Variants in USP11 observed in about 807,000 individuals in gnomAD.
The protein encoded by USP11 is ubiquitin carboxyl-terminal hydrolase 11.
Under a neutral mutation model 72.8 loss-of-function variants are expected in USP11, and 5 were observed. The observed-to-expected ratio is 0.07, with a 90% CI of 0.04 to 0.14. The LOEUF is 0.14. Ranked by LOEUF, USP11 falls within the 10% of genes least tolerant of loss-of-function variation. The probability of loss-of-function intolerance (pLI) is 1.00; values close to 1 mark genes in which losing one functional copy is unlikely to be tolerated. For missense variants in USP11, 480 were observed against 794.7 expected, an observed-to-expected ratio of 0.60 and a Z score of 4.76; for synonymous variants, 368 against 326.5, an observed-to-expected ratio of 1.13 and a Z score of -1.37.
rs746254198 is a variant in USP11, at chrX:47,241,713, G to T, written c.1179+14G>T. 2 of 1,173,852 alleles carry T rather than the reference G, an allele frequency of 1.7e-6. No homozygotes were observed. Among genetic ancestry groups the T allele is most frequent in the Non-Finnish European group, 2.3e-6 (2 of 878,208 alleles). On this transcript the variant is annotated intron_variant, in intron 9 of 20. Coordinates refer to ENST00000377107, the MANE Select transcript of USP11 (RefSeq NM_001371072.1). ...CGACCGGATCAGGTAGGCTGCCCCC[G>T]CATTTGCAGTCCAATTAACATCACC... is the stretch of plus-strand genomic sequence containing the variant.
At position 47,242,680 on chromosome X, in the gene USP11, G is replaced by A. The variant is rs1227600364; in HGVS notation, c.1543G>A (p.Glu515Lys). The A allele has an allele frequency of 8.3e-7, 1 of 1,211,022 alleles. No individual in the cohort carries two copies. The change falls in exon 12 of 21, where the codon GAG (glutamate) becomes AAG (lysine). Residue 515 changes from glutamate to lysine, a missense_variant. By Grantham distance (56) the Glu-to-Lys change is moderately conservative (BLOSUM62 1). This residue lies in a region of USP11 where 314 missense variants were observed against 556.0 expected (regional missense o/e 0.56). Coordinates refer to ENST00000377107, the MANE Select transcript of USP11 (RefSeq NM_001371072.1). ...CTTCTATAAGCTCTATCAGCTAGAG[G>A]AGCCTCTGAGCAGCATCTTGGACCG... ...HRFYKLYQLE[E>K]PLSSILDRDD...
At chrX:47,245,232 T>C in intron 16 of USP11, 138 bp from the exon 17 acceptor site, 1 of 928,730 alleles carries the variant, frequency 1.1e-6, no homozygotes, top group African/African-American at 1.9e-5. Context: ...TACTGAGAGC[T>C]CCAGGGCCTG....
At chrX:47,241,007 T>G in intron 7 of USP11, 131 bp downstream of exon 7, 1 of 675,171 alleles carries the variant, frequency 1.5e-6, no homozygotes, top group Non-Finnish European at 2.2e-6. Flanking sequence ...GCCCCACAAG[T>G]CTGAAGTGGC....
At chrX:47,235,648 C>T (rs964524971) in intron 1 of USP11, among the ~76,000 whole-genome samples, 1 of 110,073 alleles carries the variant, frequency 9.1e-6, no homozygotes, top group Non-Finnish European at 1.9e-5. Flanking sequence ...ATATTGGACT[C>T]TTGCTGTTCC....
At chrX:47,246,770 G>A (rs917211291) in intron 17 of USP11, among the ~76,000 whole-genome samples, 2 of 110,908 alleles carry the variant, frequency 1.8e-5, no homozygotes, top group African/African-American at 6.6e-5. Context: ...CCTGTCATCC[G>A]AGTACCTTGG....
intron 1 of USP11, among the ~76,000 whole-genome samples, chrX:47,236,732 G>A (rs1435932446): frequency 8.9e-6 from 1 of 112,232 alleles, no homozygotes; most frequent in Non-Finnish European, 1.9e-5. Context: ...AAACCTAAGT[G>A]ACTTTAGCAA....
chrX:47,233,236 G>A lies in USP11; in HGVS notation c.176+17G>A. Reference sequence around the variant, plus strand: ...CGAAAGCTGGTGAGGCTGGGCTGCGGTGGAGCCTCGGCAGAGGGAACGGTG... The same window carrying A: ...CGAAAGCTGGTGAGGCTGGGCTGCGATGGAGCCTCGGCAGAGGGAACGGTG... On this transcript the variant is annotated intron_variant, in intron 1 of 20. Coordinates refer to ENST00000377107, the MANE Select transcript of USP11 (RefSeq NM_001371072.1). The A allele has an allele frequency of 8.7e-7, 1 of 1,150,189 alleles. No individual in the cohort carries two copies. Among genetic ancestry groups the A allele is most frequent in the Non-Finnish European group, 1.2e-6 (1 of 861,943 alleles). The allele number at this position is 1,150,189 out of a possible 1,213,427, so 94.8% of individuals were successfully genotyped here. A position where few individuals can be genotyped will look rare whatever the true frequency, so the allele number is the denominator to read the frequency against.
chrX:47,236,077 T>C (rs1221830732), intron 1 of USP11, among the ~76,000 whole-genome samples: 1 of 111,598 alleles, frequency 9.0e-6, no homozygotes, highest in African/African-American at 3.3e-5. Flanking sequence ...TAGGGAGAGG[T>C]TGTGGTTGTA....
intron 1 of USP11, among the ~76,000 whole-genome samples, chrX:47,235,308 T>C (rs752002676): frequency 1.2e-4 from 13 of 112,358 alleles, no homozygotes; most frequent in South Asian, 3.6e-4. Context: ...TGAGCCCTTA[T>C]CTTCGCATCG....
In USP11 at chrX:47,241,440, A is replaced by G. The variant is rs201567985; in HGVS notation, c.1010A>G (p.His337Arg). 18 of 1,204,442 alleles carry G rather than the reference A, an allele frequency of 1.5e-5. No individual in the cohort carries two copies. Among genetic ancestry groups the G allele is most frequent in the South Asian group, 3.6e-5 (2 of 55,751 alleles). Reference protein sequence around the residue: ...WSGHHRSIVPHVFKNKVGHFA... With the variant: ...WSGHHRSIVPRVFKNKVGHFA... ...GGCCACCACCGCTCCATTGTGCCACATGTGTTCAAGGTGTGACTCAACCCT... is the reference window on the plus strand; with the variant it reads ...GGCCACCACCGCTCCATTGTGCCACGTGTGTTCAAGGTGTGACTCAACCCT... Residue 337 changes from histidine to arginine, a missense_variant, in exon 8 of 21, where the codon CAT becomes CGT. Physicochemically the swap from His to Arg is conservative, Grantham distance 29. Coordinates refer to ENST00000377107, the MANE Select transcript of USP11 (RefSeq NM_001371072.1).
chrX:47,243,674 T>C (rs1404387242), intron 13 of USP11, 72 bp downstream of exon 13: 9 of 984,991 alleles, frequency 9.1e-6, no homozygotes, highest in Non-Finnish European at 1.3e-5. Context: ...AGCTGCTTAT[T>C]TGACACCTCC....
Position 47,247,168 on chromosome X carries a change from C to T in USP11, c.2367C>T (p.Ser789=). Residue 789 remains serine (S), a synonymous_variant, in exon 18 of 21, where the codon TCC becomes TCT. Coordinates refer to ENST00000377107, the MANE Select transcript of USP11 (RefSeq NM_001371072.1). ...TCATCATCCACCTGAAACGCTTTTC[C>T]TACACCAAGTTCTCCCGAGAGAAGC... ...EILIIHLKRF[S]YTKFSREKLD... is the part of the protein sequence containing the mutation. The T allele has an allele frequency of 1.7e-6, 2 of 1,211,583 alleles. No individual in the cohort carries two copies. Among genetic ancestry groups the T allele is most frequent in the Non-Finnish European group, 2.2e-6 (2 of 895,522 alleles).
chrX:47,239,674 A>G (rs1456934928), intron 3 of USP11, 116 bp from the exon 4 acceptor site: 31 of 966,490 alleles, frequency 3.2e-5, no homozygotes, highest in Non-Finnish European at 4.1e-5. Context: ...AGACCATTGT[A>G]TATGTGTGTT....
chrX:47,238,442 C>T (rs961181608), intron 1 of USP11, among the ~76,000 whole-genome samples: 22 of 107,140 alleles, frequency 2.1e-4, no homozygotes, highest in African/African-American at 7.1e-4. Context: ...CCCGTCTTGA[C>T]CTCCCAAAGT....
intron 19 of USP11, 63 bp from the exon 20 acceptor site, chrX:47,247,548 G>C (rs921947465): frequency 1.5e-5 from 18 of 1,172,060 alleles, no homozygotes; most frequent in Non-Finnish European, 1.9e-5. Flanking sequence ...AGTGACAAGA[G>C]TGAATCTGGA....
chrX:47,247,007 C>T (rs190379964), intron 17 of USP11, 65 bp from the exon 18 acceptor site: 261 of 1,118,615 alleles, frequency 2.3e-4, no homozygotes, highest in Non-Finnish European at 2.9e-4. Context: ...GGCAACAGAG[C>T]GATTCTCTGT....
Position 47,240,742 on chromosome X carries a change from C to T in USP11, c.744-32C>T, listed in dbSNP as rs372454120. 1.2e-4 allele frequency: 143 copies of T among 1,203,631 alleles called. No individual in the cohort carries two copies. The East Asian group carries it at 3.6e-3, about 30-fold the overall frequency. On this transcript the variant is annotated intron_variant, in intron 6 of 20. Coordinates refer to ENST00000377107, the MANE Select transcript of USP11 (RefSeq NM_001371072.1). ...GCACATTGCACCCCCATGCAGCAGG[C>T]CCTCAGCTGACAGTTTCTCATCTAA...
chrX:47,241,547 G>A lies in USP11; in HGVS notation c.1027G>A (p.Val343Ile), dbSNP rs776013676. 1.7e-6 allele frequency: 2 copies of A among 1,197,006 alleles called. No individual in the cohort carries two copies. Among genetic ancestry groups the A allele is most frequent in the Admixed American group, 2.3e-5 (1 of 44,382 alleles). The change falls in exon 9 of 21, where the codon GTT becomes ATT. Residue 343 changes from valine (V) to isoleucine (I), a missense_variant. Physicochemically the swap from Val to Ile is conservative, Grantham distance 29 (BLOSUM62 3). Transcript: ENST00000377107. ...SIVPHVFKNK[V>I]GHFASQFLGY... ...ACCCTGCCCATCTTCTTAGAACAAG[G>A]TTGGCCATTTTGCATCCCAATTTCT... is the stretch of plus-strand genomic sequence containing the variant.
At chrX:47,245,514 G>A (rs775612257) in intron 17 of USP11, 32 bp downstream of exon 17, 1 of 1,005,190 alleles carries the variant, frequency 9.9e-7, no homozygotes, top group Non-Finnish European at 1.4e-6. Context: ...TGTGTGTGGG[G>A]GTTTCATTGG....
Sources: gnomAD v4.1 joint callset for allele counts (sites outside exome capture counted in the v4.1 genomes callset) on GRCh38, gnomAD v4.1.1 for gene constraint, gnomAD v4.1.1 regional missense constraint, MANE v1.5 for transcripts, NCBI Gene and HGNC (gene_info 2026-07-23, HGNC 2026-07-21) for gene names.